The following KCNH1 variants were observed in gnomAD, a reference collection of about 807,000 sequenced individuals.
KCNH1 encodes the protein voltage-gated delayed rectifier potassium channel KCNH1.
KCNH1 carries 27 observed loss-of-function variants against 69.2 expected under a neutral mutation model. The observed-to-expected ratio is 0.39, with a 90% CI of 0.29 to 0.54. The LOEUF is 0.54. KCNH1 is among the 20% of genes least tolerant of loss of function. The pLI, the probability that KCNH1 is intolerant of heterozygous loss-of-function variation, is 0.68. For synonymous variants in KCNH1, 456 were observed against 487.7 expected, an observed-to-expected ratio of 0.93 and a Z score of 0.86; for missense variants, 798 against 1,261.6, an observed-to-expected ratio of 0.63 and a Z score of 5.57.
chr1:210,956,706 T>C (rs1688184042), intron 6 of KCNH1, among the ~76,000 whole-genome samples: 1 of 152,044 alleles, frequency 6.6e-6, no homozygotes, highest in South Asian at 2.1e-4. Context: ...TGCATAGAGG[T>C]GTTTATAGTA....
At chr1:210,950,567 C>T (rs1204120238) in intron 6 of KCNH1, among the ~76,000 whole-genome samples, 1 of 151,416 alleles carries the variant, frequency 6.6e-6, no homozygotes, top group Non-Finnish European at 1.5e-5. Context: ...TTTATGGCTG[C>T]ATAGTATTCC....
chr1:211,055,793 C>T (rs973006849), intron 5 of KCNH1, among the ~76,000 whole-genome samples: 2 of 152,194 alleles, frequency 1.3e-5, no homozygotes, highest in Non-Finnish European at 2.9e-5. Context: ...ATGGACAACA[C>T]TTCTAGACAC....
At chr1:210,984,246 C>T (rs201581067) in intron 6 of KCNH1, among the ~76,000 whole-genome samples, 1 of 152,118 alleles carries the variant, frequency 6.6e-6, no homozygotes, top group African/African-American at 2.4e-5. Flanking sequence ...TCCTCTTTTC[C>T]TAATTGAATA....
At chr1:210,758,884 C>A (rs1268340434) in intron 10 of KCNH1, among the ~76,000 whole-genome samples, 2 of 152,170 alleles carry the variant, frequency 1.3e-5, no homozygotes, top group Admixed American at 1.3e-4. Context: ...TCTGTCCCTG[C>A]CGCTAACTGC....
chr1:210,861,433 G>T, intron 7 of KCNH1: 1 of 776,456 alleles, frequency 1.3e-6, no homozygotes. Flanking sequence ...TATACTCCTA[G>T]GAAACACTGC....
At chr1:210,962,854 C>G (rs896029736) in intron 6 of KCNH1, among the ~76,000 whole-genome samples, 1 of 149,344 alleles carries the variant, frequency 6.7e-6, no homozygotes, top group African/African-American at 2.5e-5. Context: ...ATTTTGTGAT[C>G]TATTGAGCAT....
chr1:210,897,696 G>A (rs1686900927), intron 7 of KCNH1, among the ~76,000 whole-genome samples: 1 of 152,232 alleles, frequency 6.6e-6, no homozygotes, highest in Non-Finnish European at 1.5e-5. Flanking sequence ...GGCCTTGCAT[G>A]CTCACCTGCC....
At chr1:210,929,064 G>A (rs1004394662) in intron 6 of KCNH1, among the ~76,000 whole-genome samples, 1 of 152,036 alleles carries the variant, frequency 6.6e-6, no homozygotes, top group African/African-American at 2.4e-5. Context: ...AAAGTCAAGG[G>A]CCAGATGGAT....
At chr1:210,835,231 A>C (rs958826035) in intron 7 of KCNH1, among the ~76,000 whole-genome samples, 2 of 152,200 alleles carry the variant, frequency 1.3e-5, no homozygotes, top group Non-Finnish European at 2.9e-5. Flanking sequence ...GATCTCACTA[A>C]GCCTCTTAGT....
intron 7 of KCNH1, among the ~76,000 whole-genome samples, chr1:210,905,189 C>T (rs968311902): frequency 2.6e-5 from 4 of 152,280 alleles, no homozygotes; most frequent in South Asian, 2.1e-4. Context: ...CCAGTTCCTC[C>T]ACTTCCTAGC....
At chr1:211,121,342 A>G (rs953027925) in intron 1 of KCNH1, among the ~76,000 whole-genome samples, 1 of 152,176 alleles carries the variant, frequency 6.6e-6, no homozygotes, top group African/African-American at 2.4e-5. Flanking sequence ...ATATAGACCA[A>G]TGGAGCAGAA....
intron 8 of KCNH1, among the ~76,000 whole-genome samples, chr1:210,801,355 A>G (rs2102404097): frequency 6.6e-6 from 1 of 152,276 alleles, no homozygotes; most frequent in Admixed American, 6.5e-5. Flanking sequence ...GGGGAGAGGT[A>G]TAGGATGACA....
chr1:210,862,005 A>G, intron 7 of KCNH1: 1 of 769,420 alleles, frequency 1.3e-6, no homozygotes, highest in African/African-American at 1.7e-5. Flanking sequence ...CTTCTACAAT[A>G]TTTTCTCAAA....
chr1:210,971,755 C>T (rs960047335), intron 6 of KCNH1, among the ~76,000 whole-genome samples: 4 of 151,940 alleles, frequency 2.6e-5, no homozygotes, highest in Non-Finnish European at 5.9e-5. Context: ...AATATTTGTA[C>T]ATTTTTATAT....
chr1:210,757,670 C>G (rs1251304392), intron 10 of KCNH1, among the ~76,000 whole-genome samples: 1 of 152,220 alleles, frequency 6.6e-6, no homozygotes, highest in African/African-American at 2.4e-5. Flanking sequence ...CACAGACCAT[C>G]ACCAGACTTT....
At chr1:210,777,431 T>C (rs1683884060) in intron 9 of KCNH1, among the ~76,000 whole-genome samples, 1 of 152,196 alleles carries the variant, frequency 6.6e-6, no homozygotes, top group South Asian at 2.1e-4. Context: ...TCTTTAAAAC[T>C]GTGCTACTTA....
At chr1:210,944,662 C>A (rs1053902492) in intron 6 of KCNH1, among the ~76,000 whole-genome samples, 3 of 152,194 alleles carry the variant, frequency 2.0e-5, no homozygotes, top group African/African-American at 7.2e-5. Context: ...GAGACACAAA[C>A]CCTGGTTTCC....
At chr1:210,929,595 G>T (rs540170841) in intron 6 of KCNH1, among the ~76,000 whole-genome samples, 62 of 152,196 alleles carry the variant, frequency 4.1e-4, no homozygotes, top group African/African-American at 1.4e-3. Context: ...AAAGTTGAAC[G>T]CATTCCCTCA....
chr1:210,930,484 T>C (rs2102575036), intron 6 of KCNH1, among the ~76,000 whole-genome samples: 1 of 152,226 alleles, frequency 6.6e-6, no homozygotes, highest in East Asian at 1.9e-4. Flanking sequence ...AAGCCACATG[T>C]AGAAGAATAA....
Sources: allele counts gnomAD v4.1 joint callset (sites outside exome capture counted in the v4.1 genomes callset), GRCh38; gene constraint gnomAD v4.1.1; transcripts MANE v1.5; gene names NCBI Gene and HGNC (gene_info 2026-07-23, HGNC 2026-07-21).